The following SLC39A11 variants were observed in gnomAD, a reference collection of about 807,000 sequenced individuals.
SLC39A11 encodes solute carrier family 39 member 11.
In SLC39A11, 33 loss-of-function variants were observed where a neutral mutation model predicts 36.1. The observed-to-expected ratio is 0.91, with a 90% CI of 0.69 to 1.22. The LOEUF is 1.22. Among genes scored for constraint, SLC39A11 ranks in the 50% most tolerant of loss-of-function variants. SLC39A11 has a pLI of 0.00. For synonymous variants in SLC39A11, 166 were observed against 170.3 expected (o/e 0.97, Z 0.20); for missense variants, 432 against 430.3 (o/e 1.00, Z -0.03).
chr17:72,945,584 G>A (rs1467261028), intron 5 of SLC39A11, among the ~76,000 whole-genome samples: 2 of 152,202 alleles, frequency 1.3e-5, no homozygotes, highest in Non-Finnish European at 2.9e-5. Flanking sequence ...ATGGCTGGGA[G>A]ATCATCTCTG....
rs17581935 is a variant in SLC39A11 at position 72,870,459 on chromosome 17, C to T, written c.431-20655G>A. On this transcript the variant is annotated intron_variant, in intron 5 of 9. Transcript: ENST00000255559. ...TTATTCCTGGCTTCACTGCTGAAAA[C>T]GGGTGCCCTGCGGCAATGTGTTCAT... 6.2e-3 allele frequency among the ~76,000 whole-genome samples: 951 copies of T among 152,332 alleles called. 4 individuals are homozygous for T. The highest frequency in any genetic ancestry group is 0.01 in the Admixed American group (158 of 15,302).
chr17:72,902,346 GA>G (rs1189336032), intron 5 of SLC39A11, among the ~76,000 whole-genome samples: 5 of 151,632 alleles, frequency 3.3e-5, no homozygotes, highest in Non-Finnish European at 7.4e-5. Flanking sequence ...CAAAAGCAGA[GA>G]CTGGAGTGAT....
At chr17:72,700,493 G>A (rs529310426) in intron 7 of SLC39A11, among the ~76,000 whole-genome samples, 9 of 152,326 alleles carry the variant, frequency 5.9e-5, no homozygotes, top group East Asian at 5.8e-4. Flanking sequence ...CATGAAAGGC[G>A]GGGCTGGGGA....
intron 6 of SLC39A11, among the ~76,000 whole-genome samples, chr17:72,833,126 G>T (rs751089188): frequency 6.6e-6 from 1 of 152,184 alleles, no homozygotes; most frequent in Non-Finnish European, 1.5e-5. Context: ...CCTCTTGCCT[G>T]GTCTCCAGTC....
intron 7 of SLC39A11, among the ~76,000 whole-genome samples, chr17:72,703,485 G>A (rs1335865825): frequency 1.3e-5 from 2 of 152,136 alleles, no homozygotes; most frequent in African/African-American, 4.8e-5. Context: ...GGTAACATGG[G>A]GGGTTGGGGG....
intron 5 of SLC39A11, among the ~76,000 whole-genome samples, chr17:72,909,832 G>A (rs560017749): frequency 1.7e-4 from 26 of 149,866 alleles, no homozygotes; most frequent in African/African-American, 4.4e-4. Context: ...TGCAACCTCC[G>A]CTTCCCGCGT....
At chr17:72,707,302 G>A (rs531266681) in intron 7 of SLC39A11, among the ~76,000 whole-genome samples, 5 of 151,860 alleles carry the variant, frequency 3.3e-5, no homozygotes, top group African/African-American at 1.2e-4. Context: ...TACTTTGGAG[G>A]CTGAAGTGAG....
intron 7 of SLC39A11, among the ~76,000 whole-genome samples, chr17:72,700,051 C>T (rs971859050): frequency 7.1e-6 from 1 of 140,242 alleles, no homozygotes; most frequent in Admixed American, 7.0e-5. Context: ...AGAACAGAAG[C>T]TCTTGGGAGA....
chr17:72,648,761 G>A, intron 9 of SLC39A11, 42 bp downstream of exon 9: 1 of 1,608,254 alleles, frequency 6.2e-7, no homozygotes, highest in Non-Finnish European at 8.5e-7. Flanking sequence ...GGTCCCAGCT[G>A]GGACTGGGAC....
rs543165854 is a variant in SLC39A11 at position 72,689,689 on chromosome 17, CACGA to C, written c.672-40425_672-40422del. 4.1e-4 allele frequency among the ~76,000 whole-genome samples: 62 copies of C among 152,322 alleles called. No individual in the cohort carries two copies. In the East Asian group the frequency reaches 6.0e-3, roughly 15 times the overall value. ...TCCATGCTAAGTGAAAGCAGCCAGA[CACGA>C]ACGGTCACATATTGTACGATTCCAC... On this transcript the variant is annotated intron_variant, in intron 7 of 9. Coordinates refer to ENST00000255559, the MANE Select transcript of SLC39A11 (RefSeq NM_139177.4).
intron 5 of SLC39A11, among the ~76,000 whole-genome samples, chr17:72,876,247 A>G (rs1193681993): frequency 6.6e-6 from 1 of 152,236 alleles, no homozygotes; most frequent in Non-Finnish European, 1.5e-5. Context: ...TGGTGGTCAA[A>G]TAAAAAATAA....
chr17:72,916,210 C>T (rs1025542484), intron 5 of SLC39A11, among the ~76,000 whole-genome samples: 4 of 149,910 alleles, frequency 2.7e-5, no homozygotes, highest in Admixed American at 6.6e-5. Context: ...CACACAGGCA[C>T]GTTACACATG....
chr17:72,860,684 TC>T (rs1156466375), intron 5 of SLC39A11, among the ~76,000 whole-genome samples: 1 of 152,184 alleles, frequency 6.6e-6, no homozygotes, highest in African/African-American at 2.4e-5. Context: ...TTCTCTCTTT[TC>T]CTTTTTCTCT....
At chr17:72,651,836 G>A (rs1203549902) in intron 7 of SLC39A11, among the ~76,000 whole-genome samples, 1 of 152,164 alleles carries the variant, frequency 6.6e-6, no homozygotes, top group Non-Finnish European at 1.5e-5. Context: ...GGACAGACAA[G>A]AAGACACCCC....
chr17:72,946,263 C>T (rs2085423678), intron 5 of SLC39A11, among the ~76,000 whole-genome samples: 1 of 152,242 alleles, frequency 6.6e-6, no homozygotes, highest in South Asian at 2.1e-4. Context: ...TTCTAACCCT[C>T]TATGATTTAA....
intron 3 of SLC39A11, chr17:73,072,186 GC>G (rs751529512): frequency 2.0e-5 from 3 of 152,236 alleles, no homozygotes; most frequent in Non-Finnish European, 4.4e-5. Context: ...AGGGAAGGAT[GC>G]CCCCAAACAA....
At chr17:72,900,492 G>A (rs1046945907) in intron 5 of SLC39A11, among the ~76,000 whole-genome samples, 8 of 152,146 alleles carry the variant, frequency 5.3e-5, no homozygotes, top group African/African-American at 1.7e-4. Context: ...TGGGGTGACA[G>A]TAAATGAGTC....
At chr17:72,782,813 G>A (rs112544608) in intron 6 of SLC39A11, among the ~76,000 whole-genome samples, 3 of 149,984 alleles carry the variant, frequency 2.0e-5, no homozygotes, top group Non-Finnish European at 4.4e-5. Flanking sequence ...CCAGCCTGGC[G>A]AACATGGCAA....
At chr17:73,056,816 C>T (rs902976514) in intron 3 of SLC39A11, among the ~76,000 whole-genome samples, 2 of 152,172 alleles carry the variant, frequency 1.3e-5, no homozygotes, top group African/African-American at 2.4e-5. Flanking sequence ...GAACCCAGAA[C>T]CTGTGCTTTT....
Sources: allele counts gnomAD v4.1 joint callset (sites outside exome capture counted in the v4.1 genomes callset), GRCh38; gene constraint gnomAD v4.1.1; transcripts MANE v1.5; gene names NCBI Gene and HGNC (gene_info 2026-07-23, HGNC 2026-07-21).